The following AKAP13 variants were observed in gnomAD, a reference collection of about 807,000 sequenced individuals.
AKAP13 encodes the protein A-kinase anchoring protein 13.
In AKAP13, 80 loss-of-function variants were observed where a neutral mutation model predicts 264.5. That is an observed-to-expected ratio of 0.30 (90% CI 0.25 to 0.36). The LOEUF (loss-of-function observed/expected upper bound fraction) is 0.36. Among genes scored for constraint, AKAP13 ranks in the 10% least tolerant of loss-of-function variants. The pLI, the probability that AKAP13 is intolerant of heterozygous loss-of-function variation, is 1.00. For missense variants in AKAP13, 3,712 were observed against 3,435.2 expected (o/e 1.08, Z -2.01); for synonymous variants, 1,380 against 1,250.2 (o/e 1.10, Z -2.19).
At chr15:85,654,906 C>T (rs1341841011) in intron 10 of AKAP13, among the ~76,000 whole-genome samples, 2 of 151,762 alleles carry the variant, frequency 1.3e-5, no homozygotes, top group Non-Finnish European at 2.9e-5. Flanking sequence ...AGAGGATAGA[C>T]CTAGGCCAGG....
At position 85,708,228 on chromosome 15, in the gene AKAP13, A is replaced by C. The variant is rs2086424222; in HGVS notation, c.5532+142A>C. On this transcript the variant is annotated intron_variant, in intron 18 of 36. Transcript: ENST00000394518. The surrounding 1 kb of genome is among the most constrained non-coding windows in gnomAD (Gnocchi z 4.3). The stretch of plus-strand genomic sequence containing the variant: ...CAACTTTGAGAACAAATTATAACTA[A>C]AAAATATTTTTTCTCTTAAGCGATC... 1 of 706,706 alleles carries C rather than the reference A, an allele frequency of 1.4e-6. No individual in the cohort carries two copies. The highest frequency in any genetic ancestry group is 2.2e-6 in the Non-Finnish European group (1 of 445,604). The allele number at this position is 706,706 out of a possible 1,614,324, so 43.8% of individuals were successfully genotyped here. A position where few individuals can be genotyped will look rare whatever the true frequency, so the allele number is the denominator to read the frequency against.
At chr15:85,715,109 G>A (rs1429871493) in intron 19 of AKAP13, among the ~76,000 whole-genome samples, 1 of 152,094 alleles carries the variant, frequency 6.6e-6, no homozygotes, top group Non-Finnish European at 1.5e-5. Context: ...TTTTCCTGGA[G>A]TTCGCTTGTT....
chr15:85,453,067 G>C (rs2074148525), intron 1 of AKAP13, among the ~76,000 whole-genome samples: 1 of 152,206 alleles, frequency 6.6e-6, no homozygotes, highest in African/African-American at 2.4e-5. Flanking sequence ...AGCCGTCAGA[G>C]GTGTGTGGGA....
chr15:85,622,662 A>G (rs2081247428), intron 8 of AKAP13, among the ~76,000 whole-genome samples: 1 of 152,208 alleles, frequency 6.6e-6, no homozygotes, highest in African/African-American at 2.4e-5. Context: ...ACACAGGCAT[A>G]TAGTGTTTAC....
At chr15:85,701,629 A>C (rs1295863195) in intron 17 of AKAP13, among the ~76,000 whole-genome samples, 1 of 145,726 alleles carries the variant, frequency 6.9e-6, no homozygotes, top group East Asian at 2.1e-4. Context: ...TTTTTATTAG[A>C]GTTGGGGTTT....
At chr15:85,453,673 C>T (rs76854411) in intron 1 of AKAP13, among the ~76,000 whole-genome samples, 1 of 152,168 alleles carries the variant, frequency 6.6e-6, no homozygotes, top group Non-Finnish European at 1.5e-5. Flanking sequence ...GGGTCCACTT[C>T]AGCCCTCGGT....
rs1317800216 is a variant in AKAP13, at chr15:85,581,759, C to G, written c.3691C>G (p.Pro1231Ala). The G allele has an allele frequency of 6.2e-7, 1 of 1,614,050 alleles. No individual in the cohort carries two copies. Among genetic ancestry groups the G allele is most frequent in the Non-Finnish European group, 8.5e-7 (1 of 1,180,006 alleles). ...CAGGGAAAGGAGCACTCCCTCTCTACCTTGCATGGTCTCTGCCCAGGACGC... is the reference window on the plus strand; with the variant it reads ...CAGGGAAAGGAGCACTCCCTCTCTAGCTTGCATGGTCTCTGCCCAGGACGC... ...SGRERSTPSL[P>A]CMVSAQDAPL... is the part of the protein sequence containing the mutation. Residue 1231 changes from proline to alanine, a missense_variant, in exon 7 of 37, where the codon CCT (proline) becomes GCT (alanine). Transcript: ENST00000394518.
At chr15:85,741,709 A>C (rs1387155647) in intron 35 of AKAP13, among the ~76,000 whole-genome samples, 8,618 of 104,250 alleles carry the variant, frequency 0.083, 282 homozygotes, top group African/African-American at 0.14. Context: ...AAAAAAAAAA[A>C]AAAAAAACAA....
At chr15:85,561,241 A>T (rs1266490040) in intron 5 of AKAP13, among the ~76,000 whole-genome samples, 1 of 151,942 alleles carries the variant, frequency 6.6e-6, no homozygotes, top group African/African-American at 2.4e-5. Flanking sequence ...TATTTTTAGT[A>T]GAGACGGGGT....
At chr15:85,627,519 A>G (rs1350527092) in intron 8 of AKAP13, 1 of 152,152 alleles carries the variant, frequency 6.6e-6, no homozygotes, top group African/African-American at 2.4e-5. Context: ...GTATCTGTAC[A>G]CATCTAGAGT....
At chr15:85,661,295 A>G (rs957204934) in intron 12 of AKAP13, among the ~76,000 whole-genome samples, 47 of 152,338 alleles carry the variant, frequency 3.1e-4, no homozygotes, top group Non-Finnish European at 2.4e-4. Flanking sequence ...GATAATGGAC[A>G]CCGCTACTGG....
chr15:85,544,488 C>A (rs2077669468), intron 5 of AKAP13, among the ~76,000 whole-genome samples: 1 of 152,116 alleles, frequency 6.6e-6, no homozygotes, highest in Non-Finnish European at 1.5e-5. Flanking sequence ...ATATGAACAG[C>A]AATAAAAAGC....
At chr15:85,650,789 AAC>A (rs1567175503) in intron 10 of AKAP13, among the ~76,000 whole-genome samples, 1 of 116,818 alleles carries the variant, frequency 8.6e-6, no homozygotes, top group Non-Finnish European at 1.9e-5. Flanking sequence ...AAAAAAAAAA[AAC>A]AACAAAAACT....
At position 85,745,129 on chromosome 15, in the gene AKAP13, G is replaced by A. The variant is rs562714472; in HGVS notation, c.*452G>A. 6 of 155,286 alleles carry A rather than the reference G, an allele frequency of 3.9e-5. No individual in the cohort carries two copies. Among genetic ancestry groups the A allele is most frequent in the South Asian group, 2.0e-4 (1 of 5,118 alleles). 9.6% of individuals were successfully genotyped at this position (155,286 alleles called of 1,614,324 possible). ...GGGGACCTGTCTGCATATACACACG[G>A]GGAATGCCAGAAGAAGGCCCAGTCT... On this transcript the variant is annotated 3_prime_UTR_variant, in exon 37 of 37. Transcript: ENST00000394518.
intron 1 of AKAP13, among the ~76,000 whole-genome samples, chr15:85,452,922 C>T (rs933919689): frequency 6.6e-6 from 1 of 152,086 alleles, no homozygotes. Flanking sequence ...TGGTTTTGGC[C>T]AAGGGTTGTT....
intron 10 of AKAP13, among the ~76,000 whole-genome samples, chr15:85,648,383 C>T (rs1182623400): frequency 6.6e-6 from 1 of 152,230 alleles, no homozygotes; most frequent in Admixed American, 6.5e-5. Context: ...TCTGCAGACT[C>T]AGAGTTACTT....
At chr15:85,425,202 A>G (rs1012931682) in intron 1 of AKAP13, among the ~76,000 whole-genome samples, 1 of 152,138 alleles carries the variant, frequency 6.6e-6, no homozygotes, top group Non-Finnish European at 1.5e-5. Context: ...AAAAATCTCT[A>G]TCTTTGAAGT....
chr15:85,409,270 C>T (rs2071826387), intron 1 of AKAP13, among the ~76,000 whole-genome samples: 1 of 151,772 alleles, frequency 6.6e-6, no homozygotes, highest in South Asian at 2.1e-4. Context: ...CTCTGCCTCC[C>T]AGGTTCAAGC....
intron 33 of AKAP13, among the ~76,000 whole-genome samples, chr15:85,737,248 A>G (rs2088607113): frequency 6.6e-6 from 1 of 152,014 alleles, no homozygotes; most frequent in African/African-American, 2.4e-5. Flanking sequence ...ATTGCTTTAG[A>G]CTTAATATGT....
Sources: gnomAD v4.1 joint callset for allele counts (sites outside exome capture counted in the v4.1 genomes callset) on GRCh38, gnomAD v4.1.1 for gene constraint, Gnocchi (gnomAD v3.1) non-coding constraint, MANE v1.5 for transcripts, NCBI Gene and HGNC (gene_info 2026-07-23, HGNC 2026-07-21) for gene names.